The following GPBP1L1 variants were observed in gnomAD, a reference collection of about 807,000 sequenced individuals.
GPBP1L1 encodes vasculin-like protein 1.
Under a neutral mutation model 52.5 loss-of-function variants are expected in GPBP1L1, and 23 were observed. The observed-to-expected ratio is 0.44, with a 90% CI of 0.32 to 0.62. The LOEUF (loss-of-function observed/expected upper bound fraction) is 0.62, where lower values mean the gene tolerates loss of function less well. Ranked by LOEUF, GPBP1L1 falls within the 20% of genes least tolerant of loss-of-function variation. The pLI is 0.06. For synonymous variants in GPBP1L1, 243 were observed against 203.1 expected, an observed-to-expected ratio of 1.20 and a Z score of -1.67; for missense variants, 596 against 579.3, an observed-to-expected ratio of 1.03 and a Z score of -0.30.
At chr1:45,668,704 C>T (rs1169901762) in intron 2 of GPBP1L1, among the ~76,000 whole-genome samples, 1 of 152,186 alleles carries the variant, frequency 6.6e-6, no homozygotes, top group Non-Finnish European at 1.5e-5. Flanking sequence ...CCTGCATCTA[C>T]ATATTAGGCT....
intron 9 of GPBP1L1, 120 bp downstream of exon 9, chr1:45,633,976 C>A: frequency 2.6e-6 from 3 of 1,133,982 alleles, no homozygotes; most frequent in Non-Finnish European, 3.7e-6. Context: ...AATAAAGAAA[C>A]TATTCTCAGC....
At chr1:45,659,226 C>A in intron 3 of GPBP1L1, 84 bp from the exon 4 acceptor site, 1 of 788,944 alleles carries the variant, frequency 1.3e-6, no homozygotes, top group Non-Finnish European at 2.0e-6. Context: ...TTCTAAGATT[C>A]CTCTTTACAG....
chr1:45,668,668 CAAAACAAAAAA>C (rs1645039373), intron 2 of GPBP1L1, among the ~76,000 whole-genome samples: 1 of 152,026 alleles, frequency 6.6e-6, no homozygotes, highest in African/African-American at 2.4e-5. Flanking sequence ...AAAACAAAAA[CAAAACAAAAAA>C]ACCAAAACAG....
chr1:45,655,453 A>G, intron 4 of GPBP1L1, 134 bp from the exon 5 acceptor site: 1 of 949,802 alleles, frequency 1.1e-6, no homozygotes, highest in Non-Finnish European at 1.6e-6. Context: ...AAGCATATGG[A>G]CCCTAAGGGT....
chr1:45,673,727 T>C (rs1645104383), intron 2 of GPBP1L1, among the ~76,000 whole-genome samples: 1 of 152,134 alleles, frequency 6.6e-6, no homozygotes, highest in African/African-American at 2.4e-5. Context: ...CCAGGCGTAA[T>C]GGCACATGCC....
intron 2 of GPBP1L1, among the ~76,000 whole-genome samples, chr1:45,678,651 GAC>G (rs1645176351): frequency 1.3e-5 from 2 of 152,286 alleles, no homozygotes; most frequent in South Asian, 2.1e-4. Context: ...CAGGTTAAGT[GAC>G]ACAGTCTCAA....
chr1:45,675,354 C>T (rs764611907), intron 2 of GPBP1L1, among the ~76,000 whole-genome samples: 1 of 151,806 alleles, frequency 6.6e-6, no homozygotes, highest in Non-Finnish European at 1.5e-5. Flanking sequence ...GCTTCATGGG[C>T]CCATTACAAT....
At chr1:45,632,172 A>G (rs557110809) in intron 10 of GPBP1L1, among the ~76,000 whole-genome samples, 185 of 152,358 alleles carry the variant, frequency 1.2e-3, no homozygotes, top group African/African-American at 4.2e-3. Context: ...TTGGTCTTCA[A>G]GGAAGCAGGT....
In GPBP1L1 at chr1:45,629,462, C is replaced by CG. The variant is rs1454496055; in HGVS notation, c.1272+113_1272+114insC. 1.5e-4 allele frequency: 21 copies of CG among 138,280 alleles called. 2 individuals carry two copies. The highest frequency in any genetic ancestry group is 4.3e-4 in the East Asian group (2 of 4,618). The allele number at this position is 138,280 out of a possible 1,614,324, so 8.6% of individuals were successfully genotyped here. ...CATTTCTACTAAGGTAATCCCCCCC[C>CG]CCCCCACCCGATCTTTCTCTCACAT... On this transcript the variant is annotated intron_variant, in intron 12 of 12. Transcript: ENST00000355105.
chr1:45,665,641 T>C (rs1645000972), intron 2 of GPBP1L1, among the ~76,000 whole-genome samples: 1 of 149,286 alleles, frequency 6.7e-6, no homozygotes, highest in Non-Finnish European at 1.5e-5. Flanking sequence ...CTCAGAAGGC[T>C]GAGGCAGGAG....
intron 2 of GPBP1L1, among the ~76,000 whole-genome samples, chr1:45,666,551 G>A (rs1293419975): frequency 6.6e-6 from 1 of 152,080 alleles, no homozygotes; most frequent in Non-Finnish European, 1.5e-5. Context: ...GGATTCAAAA[G>A]TTTAATAAAT....
chr1:45,646,670 C>T (rs1644750636), intron 6 of GPBP1L1, among the ~76,000 whole-genome samples: 1 of 152,052 alleles, frequency 6.6e-6, no homozygotes, highest in Non-Finnish European at 1.5e-5. Context: ...ATTCTCCTGC[C>T]TCACAGCCTC....
At chr1:45,680,974 A>C (rs1645206038) in intron 2 of GPBP1L1, among the ~76,000 whole-genome samples, 1 of 152,204 alleles carries the variant, frequency 6.6e-6, no homozygotes, top group Non-Finnish European at 1.5e-5. Context: ...TTAGTAACCA[A>C]AACCAGGAAA....
At chr1:45,636,020 A>C (rs1441713941) in intron 8 of GPBP1L1, among the ~76,000 whole-genome samples, 2 of 152,182 alleles carry the variant, frequency 1.3e-5, no homozygotes, top group Non-Finnish European at 2.9e-5. Flanking sequence ...AGTATACATT[A>C]TCTTTCACTC....
rs946622869 is a variant in GPBP1L1, at chr1:45,660,309, G to A, written c.-181C>T. ...GGCAGCACGACTTATGATGAAGCACGAAGAAGCCAGGTTCTGTGTCGATCA... is the reference window on the plus strand; with the variant it reads ...GGCAGCACGACTTATGATGAAGCACAAAGAAGCCAGGTTCTGTGTCGATCA... On this transcript the variant is annotated 5_prime_UTR_variant, in exon 3 of 13. Coordinates refer to ENST00000355105, the MANE Select transcript of GPBP1L1 (RefSeq NM_021639.5). The A allele has an allele frequency of 1.1e-5, 11 of 985,174 alleles. No homozygotes were observed. Among genetic ancestry groups the A allele is most frequent in the African/African-American group, 1.7e-5 (1 of 57,196 alleles). 61.0% of individuals were successfully genotyped at this position (985,174 alleles called of 1,614,324 possible).
At chr1:45,668,727 T>C (rs1045267276) in intron 2 of GPBP1L1, among the ~76,000 whole-genome samples, 3 of 152,180 alleles carry the variant, frequency 2.0e-5, no homozygotes, top group African/African-American at 4.8e-5. Flanking sequence ...ACAAATGTTC[T>C]TGAGGATGTT....
At chr1:45,628,853 G>A (rs555793377) in intron 12 of GPBP1L1, among the ~76,000 whole-genome samples, 1 of 152,084 alleles carries the variant, frequency 6.6e-6, no homozygotes, top group Non-Finnish European at 1.5e-5. Flanking sequence ...TAGTAGAGAT[G>A]GGGCTTCACC....
At chr1:45,659,964 C>T (rs919339918) in intron 3 of GPBP1L1, among the ~76,000 whole-genome samples, 1 of 152,062 alleles carries the variant, frequency 6.6e-6, no homozygotes, top group Non-Finnish European at 1.5e-5. Flanking sequence ...AAAAGATCTT[C>T]CTAGAGAAGG....
chr1:45,651,016 A>C (rs1164706108), intron 6 of GPBP1L1: 15 of 413,790 alleles, frequency 3.6e-5, no homozygotes, highest in Non-Finnish European at 6.8e-5. Flanking sequence ...AAGAAAGCTC[A>C]ACAGTGTACA....
Sources: allele counts gnomAD v4.1 joint callset (sites outside exome capture counted in the v4.1 genomes callset), GRCh38; gene constraint gnomAD v4.1.1; transcripts MANE v1.5; gene names NCBI Gene and HGNC (gene_info 2026-07-23, HGNC 2026-07-21).